ABCA13: variants seen among roughly 807,000 people sequenced by gnomAD.
ABCA13 encodes ATP-binding cassette sub-family A member 13.
A neutral mutation model predicts 478.7 loss-of-function variants in ABCA13; 476 were observed. The ratio of observed to expected loss-of-function variants is 0.99; its 90% CI spans 0.92 to 1.07. The LOEUF (loss-of-function observed/expected upper bound fraction) is 1.07. Ranked by LOEUF, ABCA13 falls within the 50% of genes least tolerant of loss-of-function variation. The pLI, the probability that ABCA13 is intolerant of heterozygous loss-of-function variation, is 0.00. For missense variants in ABCA13, 6,060 were observed against 5,910.6 expected (o/e 1.03, Z -0.83); for synonymous variants, 2,252 against 2,158.9 (o/e 1.04, Z -1.20).
chr7:48,610,213 G>T (rs1340642224), intron 58 of ABCA13, among the ~76,000 whole-genome samples: 1 of 152,154 alleles, frequency 6.6e-6, no homozygotes, highest in African/African-American at 2.4e-5. Context: ...GAACAAAAAG[G>T]AAGAAATCAG....
chr7:48,532,970 A>G (rs1270085375), intron 55 of ABCA13, among the ~76,000 whole-genome samples: 1 of 151,748 alleles, frequency 6.6e-6, no homozygotes, highest in Non-Finnish European at 1.5e-5. Flanking sequence ...TGTTTCATTT[A>G]TCTTTTGCAT....
intron 15 of ABCA13, among the ~76,000 whole-genome samples, chr7:48,253,952 C>A (rs778079353): frequency 6.7e-6 from 1 of 149,354 alleles, no homozygotes; most frequent in East Asian, 2.0e-4. Flanking sequence ...TGTGTGTGTT[C>A]GTGTGTGTGT....
intron 52 of ABCA13, 48 bp from the exon 53 acceptor site, chr7:48,519,993 A>G: frequency 2.0e-6 from 3 of 1,528,980 alleles, no homozygotes; most frequent in South Asian, 1.3e-5. Flanking sequence ...TATTATGAAA[A>G]GGGGAATAGC....
chr7:48,509,330 A>G (rs575456745), intron 50 of ABCA13, among the ~76,000 whole-genome samples: 2 of 152,254 alleles, frequency 1.3e-5, no homozygotes, highest in African/African-American at 4.8e-5. Context: ...TGTGCTACAC[A>G]CTGCTGCTGG....
intron 15 of ABCA13, among the ~76,000 whole-genome samples, chr7:48,252,807 C>T (rs769988584): frequency 1.3e-5 from 2 of 152,108 alleles, no homozygotes; most frequent in South Asian, 2.1e-4. Context: ...ATTTCTTTAG[C>T]GGACAATCTC....
At chr7:48,375,117 A>G (rs1299145405) in intron 34 of ABCA13, among the ~76,000 whole-genome samples, 1 of 152,224 alleles carries the variant, frequency 6.6e-6, no homozygotes, top group Non-Finnish European at 1.5e-5. Context: ...GGTGAGTTGT[A>G]TAATTATTTT....
chr7:48,270,414 C>T (rs1386975839), intron 16 of ABCA13, among the ~76,000 whole-genome samples: 1 of 152,108 alleles, frequency 6.6e-6, no homozygotes, highest in Admixed American at 6.6e-5. Flanking sequence ...ACTACTTCTA[C>T]TTCAATTTAT....
intron 59 of ABCA13, among the ~76,000 whole-genome samples, chr7:48,619,599 C>G (rs781282122): frequency 6.6e-6 from 1 of 152,096 alleles, no homozygotes; most frequent in Non-Finnish European, 1.5e-5. Flanking sequence ...AGAGTGAGTC[C>G]GGCACATGCC....
rs548269129 is a variant in ABCA13 at position 48,281,839 on chromosome 7, T to C, written c.8836+387T>C. Among the ~76,000 whole-genome samples the C allele has an allele frequency of 2.6e-5, 4 of 152,214 alleles. No homozygotes were observed. The South Asian group carries it at 8.3e-4, about 32-fold the overall frequency. On this transcript the variant is annotated intron_variant, in intron 19 of 61. Transcript: ENST00000435803. ...TTGAGGAGACTTTGATCACGTGCAG[T>C]ATCGTACTTTCTTCTTTCTTACATT...
chr7:48,200,019 TG>T (rs1357212138), intron 3 of ABCA13, among the ~76,000 whole-genome samples: 16 of 152,174 alleles, frequency 1.1e-4, no homozygotes, highest in African/African-American at 2.9e-4. Context: ...ATTCAACCAA[TG>T]GGAATTGATA....
At chr7:48,246,802 G>A (rs1791761166) in intron 13 of ABCA13, among the ~76,000 whole-genome samples, 1 of 152,144 alleles carries the variant, frequency 6.6e-6, no homozygotes, top group African/African-American at 2.4e-5. Flanking sequence ...ACACTATCTT[G>A]GTAGAGAAGG....
rs1172807144 is a variant in ABCA13, at chr7:48,274,469, TAG to T, written c.4804_4805del (p.Ser1602LeufsTer9). On this transcript the variant is annotated frameshift_variant, in exon 17 of 62. Coordinates refer to ENST00000435803, the MANE Select transcript of ABCA13 (RefSeq NM_152701.5). LOFTEE classifies it high-confidence loss of function. ...TAGGCAATTCCATTTATCACTTAGCTAGTTACCTTGCCTTCAGCTTATCTCAT... is the reference window on the plus strand; with the variant it reads ...TAGGCAATTCCATTTATCACTTAGCTTTACCTTGCCTTCAGCTTATCTCAT... ...SVGNSIYHLASYLAFSLSHDL... is the reference protein window; with the variant it reads ...SVGNSIYHLAXYLAFSLSHDL... 1 of 1,613,876 alleles carries T rather than the reference TAG, an allele frequency of 6.2e-7. No individual in the cohort carries two copies. The highest frequency in any genetic ancestry group is 2.2e-5 in the East Asian group (1 of 44,868).
intron 42 of ABCA13, among the ~76,000 whole-genome samples, chr7:48,438,584 C>G (rs559499577): frequency 6.1e-5 from 9 of 148,656 alleles, no homozygotes; most frequent in African/African-American, 2.2e-4. Flanking sequence ...TTTTTTTTTT[C>G]TGCCATGTTA....
intron 59 of ABCA13, among the ~76,000 whole-genome samples, chr7:48,625,093 AT>A (rs1399617345): frequency 1.3e-5 from 2 of 152,094 alleles, no homozygotes; most frequent in South Asian, 2.1e-4. Context: ...TTGTTTGTGG[AT>A]TTTTTTCCTA....
At chr7:48,283,474 G>A (rs368737651) in intron 19 of ABCA13, among the ~76,000 whole-genome samples, 15 of 152,144 alleles carry the variant, frequency 9.9e-5, no homozygotes, top group South Asian at 6.2e-4. Context: ...TGAGACTTGC[G>A]TAGTGAGGAT....
At chr7:48,338,975 C>T (rs1486228871) in intron 29 of ABCA13, among the ~76,000 whole-genome samples, 2 of 152,166 alleles carry the variant, frequency 1.3e-5, no homozygotes, top group Non-Finnish European at 2.9e-5. Context: ...ATAAAATATT[C>T]CTGTTCCACC....
At chr7:48,350,887 T>C in intron 30 of ABCA13, 68 bp downstream of exon 30, 1 of 1,508,100 alleles carries the variant, frequency 6.6e-7, no homozygotes, top group Non-Finnish European at 9.0e-7. Flanking sequence ...TTTGGGAGTT[T>C]CTCCCTAAAG....
intron 48 of ABCA13, among the ~76,000 whole-genome samples, chr7:48,502,985 A>G (rs990404303): frequency 6.6e-6 from 1 of 152,226 alleles, no homozygotes; most frequent in Admixed American, 6.5e-5. Flanking sequence ...GATAACTAAG[A>G]TCTAATTTCT....
At position 48,440,401 on chromosome 7, in the gene ABCA13, T is replaced by G. The variant is rs549256156; in HGVS notation, c.12565+12530T>G. ...GTTTTTTTCTAAGTATTATTTTGTC[T>G]CTGAAATTCATCTATGTAATTGCTT... On this transcript the variant is annotated intron_variant, in intron 42 of 61. Transcript: ENST00000435803. Among the ~76,000 whole-genome samples, 346 of 152,320 alleles carry G rather than the reference T, an allele frequency of 2.3e-3. 2 individuals are homozygous for G. Among genetic ancestry groups the G allele is most frequent in the African/African-American group, 7.8e-3 (323 of 41,592 alleles).
Sources: allele counts gnomAD v4.1 joint callset (sites outside exome capture counted in the v4.1 genomes callset), GRCh38; gene constraint gnomAD v4.1.1; transcripts MANE v1.5; gene names NCBI Gene and HGNC (gene_info 2026-07-23, HGNC 2026-07-21).